The following NCALD variants were observed in gnomAD, a reference collection of about 807,000 sequenced individuals.
The protein encoded by NCALD is neurocalcin delta.
In NCALD, 10 loss-of-function variants were observed where a neutral mutation model predicts 18.6. That is an observed-to-expected ratio of 0.54 (90% CI 0.33 to 0.91). The LOEUF (loss-of-function observed/expected upper bound fraction) is 0.91. NCALD is among the 40% of genes least tolerant of loss of function. NCALD has a pLI of 0.03. For synonymous variants in NCALD, 88 were observed against 87.4 expected, an observed-to-expected ratio of 1.01 and a Z score of -0.04; for missense variants, 184 against 247.6, an observed-to-expected ratio of 0.74 and a Z score of 1.72.
intron 1 of NCALD, among the ~76,000 whole-genome samples, chr8:102,042,372 G>T (rs1355987867): frequency 2.0e-5 from 3 of 151,908 alleles, no homozygotes; most frequent in Non-Finnish European, 4.4e-5. Flanking sequence ...CTCACTTCAA[G>T]CCAGGTGAAG....
At chr8:101,992,911 C>T (rs1384385261) in intron 2 of NCALD, among the ~76,000 whole-genome samples, 2 of 150,762 alleles carry the variant, frequency 1.3e-5, no homozygotes, top group Non-Finnish European at 2.9e-5. Flanking sequence ...TTTCGAACAA[C>T]CCTATAAAGT....
At chr8:101,948,800 C>T (rs1017777770) in intron 2 of NCALD, among the ~76,000 whole-genome samples, 10 of 152,166 alleles carry the variant, frequency 6.6e-5, no homozygotes, top group African/African-American at 2.4e-4. Context: ...ATGGGGAAGT[C>T]CTGGCTCCAT....
chr8:101,985,538 C>A (rs1055899886), intron 2 of NCALD, among the ~76,000 whole-genome samples: 7 of 152,156 alleles, frequency 4.6e-5, no homozygotes, highest in Non-Finnish European at 1.0e-4. Context: ...GATTCTATAG[C>A]TTTTATATTT....
intron 3 of NCALD, among the ~76,000 whole-genome samples, chr8:101,902,248 T>A (rs1291012701): frequency 6.7e-6 from 1 of 150,372 alleles, no homozygotes; most frequent in East Asian, 1.9e-4. Flanking sequence ...GTCCACTCCA[T>A]TCTCATGTTA....
At chr8:102,027,624 G>A (rs899122586) in intron 1 of NCALD, among the ~76,000 whole-genome samples, 1 of 152,080 alleles carries the variant, frequency 6.6e-6, no homozygotes, top group Non-Finnish European at 1.5e-5. Flanking sequence ...TTCCAAAGTG[G>A]TTCCCTCATT....
At chr8:101,881,266 C>A (rs1389418213) in intron 4 of NCALD, among the ~76,000 whole-genome samples, 1 of 152,140 alleles carries the variant, frequency 6.6e-6, no homozygotes, top group East Asian at 1.9e-4. Flanking sequence ...GTCTTCACTG[C>A]ACCATAGCAC....
intron 1 of NCALD, among the ~76,000 whole-genome samples, chr8:101,780,351 TA>T (rs1392617331): frequency 6.6e-6 from 1 of 152,202 alleles, no homozygotes; most frequent in Non-Finnish European, 1.5e-5. Flanking sequence ...GTTGTAGGTC[TA>T]AAACATCTGT....
chr8:101,880,663 T>C (rs908822867), intron 4 of NCALD, among the ~76,000 whole-genome samples: 2 of 152,362 alleles, frequency 1.3e-5, no homozygotes, highest in African/African-American at 4.8e-5. Flanking sequence ...TGAAAAGCAC[T>C]AGTCTAGTGC....
chr8:101,764,157 G>T (rs780356034), intron 1 of NCALD, among the ~76,000 whole-genome samples: 3 of 152,086 alleles, frequency 2.0e-5, no homozygotes, highest in African/African-American at 4.8e-5. Context: ...ATATATTTGG[G>T]AATCACTGGC....
At chr8:102,122,133 C>T (rs1825961550) in intron 1 of NCALD, among the ~76,000 whole-genome samples, 1 of 152,140 alleles carries the variant, frequency 6.6e-6, no homozygotes, top group Non-Finnish European at 1.5e-5. Context: ...AGGGGGAGTG[C>T]CATGCAGCCT....
chr8:101,761,594 G>A (rs1254991246), intron 1 of NCALD, among the ~76,000 whole-genome samples: 1 of 152,228 alleles, frequency 6.6e-6, no homozygotes, highest in African/African-American at 2.4e-5. Flanking sequence ...GGCACTGAGA[G>A]TGTAAAATGC....
chr8:101,911,024 T>C (rs1407543840), intron 3 of NCALD, among the ~76,000 whole-genome samples: 1 of 151,970 alleles, frequency 6.6e-6, no homozygotes, highest in Non-Finnish European at 1.5e-5. Flanking sequence ...CTACTTCCTA[T>C]TTTCAAAAAA....
intron 1 of NCALD, among the ~76,000 whole-genome samples, chr8:101,749,545 T>C (rs1387616082): frequency 6.6e-6 from 1 of 152,178 alleles, no homozygotes; most frequent in African/African-American, 2.4e-5. Context: ...CTATATATAC[T>C]CTTGGAGCCT....
intron 2 of NCALD, among the ~76,000 whole-genome samples, chr8:101,715,081 A>G (rs985787625): frequency 5.3e-5 from 8 of 152,142 alleles, no homozygotes; most frequent in African/African-American, 1.9e-4. Context: ...AGTAACCAAA[A>G]CGGCATGGTA....
At chr8:101,715,976 C>G (rs981237089) in intron 2 of NCALD, among the ~76,000 whole-genome samples, 20 of 152,092 alleles carry the variant, frequency 1.3e-4, no homozygotes, top group Admixed American at 3.9e-4. Flanking sequence ...GGGTATATAC[C>G]CAAAGGATTA....
At chr8:101,748,976 T>C (rs988037848) in intron 1 of NCALD, among the ~76,000 whole-genome samples, 4 of 152,214 alleles carry the variant, frequency 2.6e-5, no homozygotes, top group African/African-American at 9.6e-5. Flanking sequence ...TTTGCTCTTC[T>C]TACCCTGGAG....
chr8:101,741,950 AAAAG>A (rs1810209370), intron 1 of NCALD, among the ~76,000 whole-genome samples: 5 of 82,308 alleles, frequency 6.1e-5, no homozygotes, highest in East Asian at 7.3e-4. Flanking sequence ...AAAAAAAAAA[AAAAG>A]AAAAGAAAAA....
At position 101,892,876 on chromosome 8, in the gene NCALD, T is replaced by G. The variant is rs1816968244; in HGVS notation, c.-106-5649A>C. On this transcript the variant is annotated intron_variant, in intron 3 of 6. Transcript: ENST00000311028. Reference sequence around the variant, plus strand: ...TATGGGACTATGTGAAAAAACCAAATCTACATCTGATTGGTGTACCAGAAA... The same window carrying G: ...TATGGGACTATGTGAAAAAACCAAAGCTACATCTGATTGGTGTACCAGAAA... Among the ~76,000 whole-genome samples, 2 of 149,474 alleles carry G rather than the reference T, an allele frequency of 1.3e-5. 1 individual carries two copies. The highest frequency in any genetic ancestry group is 5.1e-5 in the African/African-American group (2 of 39,190).
At chr8:101,852,935 C>A (rs898417302) in intron 4 of NCALD, among the ~76,000 whole-genome samples, 1 of 152,124 alleles carries the variant, frequency 6.6e-6, no homozygotes, top group Non-Finnish European at 1.5e-5. Context: ...ATACAAAATA[C>A]ATTTGCAGGC....
Sources: allele counts gnomAD v4.1 joint callset (sites outside exome capture counted in the v4.1 genomes callset), GRCh38; gene constraint gnomAD v4.1.1; transcripts MANE v1.5; gene names NCBI Gene and HGNC (gene_info 2026-07-23, HGNC 2026-07-21).